CDON: variants seen among roughly 807,000 people sequenced by gnomAD.
CDON encodes the protein cell adhesion molecule-related/down-regulated by oncogenes.
Under a neutral mutation model 120.9 loss-of-function variants are expected in CDON, and 73 were observed. The ratio of observed to expected loss-of-function variants is 0.60; its 90% confidence interval spans 0.50 to 0.73. CDON has a LOEUF of 0.73. CDON is among the 30% of genes least tolerant of loss of function. The probability of loss-of-function intolerance (pLI) is 0.00; values close to 1 mark genes in which losing one functional copy is unlikely to be tolerated. For synonymous variants in CDON, 566 were observed against 573.5 expected (o/e 0.99, Z 0.19); for missense variants, 1,470 against 1,587.3 (o/e 0.93, Z 1.26).
rs151275804 is a variant in CDON, at chr11:126,003,329, G to A, written c.2026+573C>T. 4.0e-3 allele frequency among the ~76,000 whole-genome samples: 603 copies of A among 152,222 alleles called. 8 individuals are homozygous for A. Among genetic ancestry groups the A allele is most frequent in the African/African-American group, 0.013 (525 of 41,526 alleles). ...CTTATCAAAGTATAAGCTCTGTCGG[G>A]ATGGATCTCATTTTGACCATCTTCA... is the stretch of plus-strand genomic sequence containing the variant. On this transcript the variant is annotated intron_variant, in intron 10 of 19. Transcript: ENST00000531738.
In CDON at chr11:125,984,340, A is replaced by C. The variant is rs561858306; in HGVS notation, c.2774-247T>G. ...GGAACATATGCACTTGGTCTAATCCAAACTGCTATATGATTATCTGCTTAA... is the reference window on the plus strand; with the variant it reads ...GGAACATATGCACTTGGTCTAATCCCAACTGCTATATGATTATCTGCTTAA... On this transcript the variant is annotated intron_variant, in intron 15 of 19. Transcript: ENST00000531738. Among the ~76,000 whole-genome samples, 197 of 152,352 alleles carry C rather than the reference A, an allele frequency of 1.3e-3. 1 individual carries two copies. The highest frequency in any genetic ancestry group is 4.4e-3 in the African/African-American group (182 of 41,588).
intron 1 of CDON, among the ~76,000 whole-genome samples, chr11:126,031,318 C>A (rs991128005): frequency 6.6e-6 from 1 of 152,146 alleles, no homozygotes; most frequent in Non-Finnish European, 1.5e-5. Context: ...GCTCAGATAG[C>A]AACTTTTTGC....
intron 18 of CDON, among the ~76,000 whole-genome samples, chr11:125,972,180 C>T (rs1463620883): frequency 2.0e-5 from 3 of 152,188 alleles, no homozygotes; most frequent in African/African-American, 7.2e-5. Context: ...AATCTCAGAA[C>T]ATTGGGAGGC....
At chr11:126,058,621 T>A (rs1204905082) in intron 1 of CDON, among the ~76,000 whole-genome samples, 1 of 152,156 alleles carries the variant, frequency 6.6e-6, no homozygotes, top group East Asian at 1.9e-4. Flanking sequence ...AAATGAACCA[T>A]CAAATATGCT....
intron 1 of CDON, among the ~76,000 whole-genome samples, chr11:126,033,951 A>C (rs1948022046): frequency 6.6e-6 from 1 of 152,164 alleles, no homozygotes; most frequent in Non-Finnish European, 1.5e-5. Flanking sequence ...AGTCCATAGG[A>C]GGAACATATA....
At chr11:126,006,195 T>C (rs773601977) in intron 8 of CDON, 138 bp from the exon 9 acceptor site, 42 of 739,096 alleles carry the variant, frequency 5.7e-5, no homozygotes, top group Non-Finnish European at 8.5e-5. Flanking sequence ...AACACTGCCA[T>C]TTATAATTCA....
chr11:125,999,715 G>A (rs2134558152), intron 11 of CDON, among the ~76,000 whole-genome samples: 1 of 151,690 alleles, frequency 6.6e-6, no homozygotes, highest in Non-Finnish European at 1.5e-5. Flanking sequence ...CTCTCATACA[G>A]GTCCTCCCCT....
chr11:125,978,255 T>C (rs761791327), intron 18 of CDON, 49 bp downstream of exon 18: 2 of 954,494 alleles, frequency 2.1e-6, no homozygotes. Flanking sequence ...AATAAAAGGA[T>C]GCATATGCCT....
rs565957082 is a variant in CDON at position 126,032,377 on chromosome 11, A to G, written c.-61-8840T>C. Among the ~76,000 whole-genome samples the G allele has an allele frequency of 3.3e-5, 5 of 152,122 alleles. No individual in the cohort carries two copies. The South Asian group carries it at 1.0e-3, about 32-fold the overall frequency. On this transcript the variant is annotated intron_variant, in intron 1 of 19. Transcript: ENST00000531738. ...GTGTGTTTGTAGAATCAGAGTAAGG[A>G]TGTCTGGGCTGGAAAATACAGTAAG...
Position 126,058,198 on chromosome 11 carries a change from A to AT in CDON, c.-62+4380dup, listed in dbSNP as rs1307872325. On this transcript the variant is annotated intron_variant, in intron 1 of 19. Coordinates refer to ENST00000531738, the MANE Select transcript of CDON (RefSeq NM_001378964.1). ...CTAAGTTCAGTAATATAACCCATATATTTTTTCTCGAGTAAGATGAAAGGC... is the reference window on the plus strand; with the variant it reads ...CTAAGTTCAGTAATATAACCCATATATTTTTTTCTCGAGTAAGATGAAAGGC... 2.0e-5 allele frequency among the ~76,000 whole-genome samples: 3 copies of AT among 152,302 alleles called. No homozygotes were observed. In the East Asian group the frequency reaches 5.8e-4, roughly 29 times the overall value.
intron 1 of CDON, among the ~76,000 whole-genome samples, chr11:126,041,848 T>G (rs1267225677): frequency 6.6e-6 from 1 of 152,208 alleles, no homozygotes; most frequent in Non-Finnish European, 1.5e-5. Context: ...AGCTTGCATG[T>G]GAGTTGTTCC....
At chr11:126,001,487 T>C (rs965415007) in intron 11 of CDON, among the ~76,000 whole-genome samples, 2 of 149,290 alleles carry the variant, frequency 1.3e-5, no homozygotes, top group Non-Finnish European at 3.0e-5. Context: ...TCTTGAGTTC[T>C]AAAAACTTAG....
intron 11 of CDON, among the ~76,000 whole-genome samples, chr11:125,998,072 G>A (rs1946841242): frequency 6.6e-6 from 1 of 152,130 alleles, no homozygotes; most frequent in South Asian, 2.1e-4. Context: ...GTAGAAAAGG[G>A]GGTCAGGGAG....
chr11:125,963,066 C>T (rs1027450874), intron 18 of CDON, among the ~76,000 whole-genome samples: 4 of 152,046 alleles, frequency 2.6e-5, no homozygotes, highest in African/African-American at 9.7e-5. Context: ...TAGCATCACA[C>T]TCAGTTCTCT....
chr11:125,997,399 G>A lies in CDON; in HGVS notation c.2170C>T (p.Pro724Ser). The change falls in exon 12 of 20, where the codon CCA becomes TCA. Residue 724 changes from proline to serine, a missense_variant. By Grantham distance (74) the Pro-to-Ser change is moderately conservative (BLOSUM62 -1). Transcript: ENST00000531738. ...SSRHSGVPEAPDRPTISTASE... is the reference protein window; with the variant it reads ...SSRHSGVPEASDRPTISTASE... ...GCAGTGGAGATGGTAGGCCGATCTG[G>A]TGCCTCTGGAACTAAACACGGAAAC... 7.4e-6 allele frequency: 12 copies of A among 1,612,168 alleles called. No individual in the cohort carries two copies. Among genetic ancestry groups the A allele is most frequent in the Non-Finnish European group, 1.0e-5 (12 of 1,178,708 alleles).
At chr11:126,018,895 G>A (rs1035980384) in intron 4 of CDON, among the ~76,000 whole-genome samples, 6 of 152,062 alleles carry the variant, frequency 3.9e-5, no homozygotes, top group Admixed American at 6.5e-5. Context: ...TGAGATTAGC[G>A]GTAAAGAAGC....
intron 18 of CDON, among the ~76,000 whole-genome samples, chr11:125,967,162 T>A (rs1478975293): frequency 6.6e-6 from 1 of 152,116 alleles, no homozygotes; most frequent in African/African-American, 2.4e-5. Context: ...TACAAACATA[T>A]GAAGAAAACA....
chr11:126,006,193 C>T (rs770303641), intron 8 of CDON, 136 bp from the exon 9 acceptor site: 7 of 740,180 alleles, frequency 9.5e-6, no homozygotes, highest in Non-Finnish European at 1.7e-5. Flanking sequence ...GTAACACTGC[C>T]ATTTATAATT....
chr11:126,017,498 G>T, intron 5 of CDON, 123 bp from the exon 6 acceptor site: 1 of 941,516 alleles, frequency 1.1e-6, no homozygotes, highest in Non-Finnish European at 1.6e-6. Flanking sequence ...CTATTTGGTG[G>T]TTAAATCCTT....
Sources: gnomAD v4.1 joint callset for allele counts (sites outside exome capture counted in the v4.1 genomes callset) on GRCh38, gnomAD v4.1.1 for gene constraint, MANE v1.5 for transcripts, NCBI Gene and HGNC (gene_info 2026-07-23, HGNC 2026-07-21) for gene names.